RTN4: variants seen among roughly 807,000 people sequenced by gnomAD.
RTN4 encodes reticulon 4.
RTN4 carries 32 observed loss-of-function variants against 90.4 expected under a neutral mutation model. The ratio of observed to expected loss-of-function variants is 0.35; its 90% CI spans 0.27 to 0.48. The LOEUF (loss-of-function observed/expected upper bound fraction) is 0.48, where lower values mean the gene tolerates loss of function less well. Ranked by LOEUF, RTN4 falls within the 20% of genes least tolerant of loss-of-function variation. The pLI, the probability that RTN4 is intolerant of heterozygous loss-of-function variation, is 0.99. For missense variants in RTN4, 1,706 were observed against 1,430.2 expected (o/e 1.19, Z -3.11); for synonymous variants, 629 against 552.5 (o/e 1.14, Z -1.94).
At chr2:55,035,009 C>A (rs149399296) in intron 1 of RTN4, among the ~76,000 whole-genome samples, 1 of 152,230 alleles carries the variant, frequency 6.6e-6, no homozygotes, top group Non-Finnish European at 1.5e-5. Flanking sequence ...AAAACCCCAA[C>A]AGAGGAGATA....
the RTN4 span, among the ~76,000 whole-genome samples, chr2:55,136,245 T>G: frequency 6.6e-6 from 1 of 152,154 alleles, no homozygotes. Flanking sequence ...AACACTCAAC[T>G]GATAAGGGAA....
chr2:55,081,213 A>G (rs1008414518), intron 1 of RTN4, among the ~76,000 whole-genome samples: 3 of 152,118 alleles, frequency 2.0e-5, no homozygotes, highest in Admixed American at 2.0e-4. Context: ...AGCTGGGACC[A>G]CAGGTGCTCG....
chr2:55,072,314 C>G (rs905527164), intron 2 of RTN4, among the ~76,000 whole-genome samples: 1 of 152,080 alleles, frequency 6.6e-6, no homozygotes, highest in Non-Finnish European at 1.5e-5. Context: ...ACTGCAAGCT[C>G]CACCTCCCGT....
At chr2:55,015,286 C>G (rs1256683310) in intron 3 of RTN4, among the ~76,000 whole-genome samples, 1 of 152,070 alleles carries the variant, frequency 6.6e-6, no homozygotes, top group African/African-American at 2.4e-5. Context: ...GAAAACAACT[C>G]TAACACCAAA....
intron 1 of RTN4, among the ~76,000 whole-genome samples, chr2:55,033,050 T>TAA (rs141554598): frequency 2.9e-3 from 361 of 125,768 alleles, no homozygotes; most frequent in East Asian, 0.011. Flanking sequence ...CTGAAGAAGT[T>TAA]AAAAAAAAAA....
At chr2:55,092,090 T>C (rs2105045302) in intron 1 of RTN4, among the ~76,000 whole-genome samples, 1 of 151,878 alleles carries the variant, frequency 6.6e-6, no homozygotes, top group Non-Finnish European at 1.5e-5. Context: ...CCTGGGAGGT[T>C]GAGGTGGGAA....
At chr2:55,005,284 C>T (rs1003670941) in intron 3 of RTN4, among the ~76,000 whole-genome samples, 2 of 152,034 alleles carry the variant, frequency 1.3e-5, no homozygotes, top group African/African-American at 4.8e-5. Flanking sequence ...CAGTTAGGGG[C>T]CCTGGTAAGG....
chr2:55,091,772 T>A (rs911035291), intron 1 of RTN4, among the ~76,000 whole-genome samples: 16 of 152,176 alleles, frequency 1.1e-4, no homozygotes, highest in Non-Finnish European at 1.5e-5. Context: ...GACTTACAGT[T>A]CCACATGGCT....
At position 54,989,717 on chromosome 2, in the gene RTN4, T is replaced by C. The variant is rs1288664460; in HGVS notation, c.3014-2019A>G. 9.2e-5 allele frequency among the ~76,000 whole-genome samples: 14 copies of C among 152,216 alleles called. No individual in the cohort carries two copies. In the East Asian group the frequency reaches 1.2e-3, roughly 13 times the overall value. On this transcript the variant is annotated intron_variant, in intron 3 of 8. Transcript: ENST00000337526. The stretch of plus-strand genomic sequence containing the variant: ...AGTCAATGAAGGTATAAAATAAACA[T>C]TGCACTGCTATAAGAACTCAGAAAA...
At chr2:55,081,341 T>C (rs892614541) in intron 1 of RTN4, among the ~76,000 whole-genome samples, 5 of 152,162 alleles carry the variant, frequency 3.3e-5, no homozygotes, top group African/African-American at 1.2e-4. Context: ...ACTCCCTAAG[T>C]GCTGGGATTA....
Position 55,039,052 on chromosome 2 carries a change from A to G in RTN4, c.556+10693T>C, listed in dbSNP as rs142169759. ...GCTTTAAAATACGTAAAACTAATCT[A>G]TGATGAAAGAAATCAAAACAGTAGT... is the stretch of plus-strand genomic sequence containing the variant. On this transcript the variant is annotated intron_variant, in intron 1 of 8. Transcript: ENST00000337526. 7.2e-5 allele frequency among the ~76,000 whole-genome samples: 11 copies of G among 152,336 alleles called. No homozygotes were observed. The East Asian group carries it at 1.2e-3, about 16-fold the overall frequency.
chr2:55,135,200 T>G, the RTN4 span, among the ~76,000 whole-genome samples: 1 of 109,622 alleles, frequency 9.1e-6, no homozygotes, highest in Admixed American at 1.5e-4. Context: ...TATATGTTTG[T>G]TTTTTTGGTT....
chr2:55,015,963 A>G (rs1451046991), intron 3 of RTN4, among the ~76,000 whole-genome samples: 1 of 152,210 alleles, frequency 6.6e-6, no homozygotes, highest in African/African-American at 2.4e-5. Context: ...AACCCTTATA[A>G]ATGCTCATAC....
intron 3 of RTN4, chr2:55,009,949 G>C: frequency 2.3e-6 from 2 of 879,734 alleles, no homozygotes; most frequent in Non-Finnish European, 3.4e-6. Flanking sequence ...ACGTGAGATA[G>C]CCGTTTTAAT....
rs191854385 is a variant in RTN4, at chr2:55,081,887, G to T, written c.-213-1248C>A. ...CAAAAAAAAAAAAAAAAAAATGAGTGAGAGAGAGATCTATCCCCTGCCTTT... is the reference window on the plus strand; with the variant it reads ...CAAAAAAAAAAAAAAAAAAATGAGTTAGAGAGAGATCTATCCCCTGCCTTT... On this transcript the variant is annotated intron_variant, in intron 1 of 3. Transcript: ENST00000427710. Among the ~76,000 whole-genome samples, 352 of 144,844 alleles carry T rather than the reference G, an allele frequency of 2.4e-3. 1 individual carries two copies. The highest frequency in any genetic ancestry group is 4.1e-3 in the Non-Finnish European group (272 of 65,702).
chr2:55,054,338 A>G (rs1294671302), upstream of RTN4, among the ~76,000 whole-genome samples: 1 of 152,142 alleles, frequency 6.6e-6, no homozygotes, highest in Non-Finnish European at 1.5e-5. Flanking sequence ...ACTTTTTAAT[A>G]AGAGAAATAT....
chr2:55,031,033 T>A (rs1321070703), intron 1 of RTN4, among the ~76,000 whole-genome samples: 1 of 152,168 alleles, frequency 6.6e-6, no homozygotes, highest in Non-Finnish European at 1.5e-5. Context: ...GTAAGGTAGG[T>A]ACTACTGTTA....
chr2:55,104,974 T>C (rs1021537388), intron 1 of RTN4, among the ~76,000 whole-genome samples: 7 of 151,758 alleles, frequency 4.6e-5, no homozygotes, highest in African/African-American at 1.7e-4. Flanking sequence ...GCCAGGCTAA[T>C]TTTTATATTT....
the RTN4 span, among the ~76,000 whole-genome samples, chr2:55,133,736 C>T: frequency 2.0e-5 from 3 of 152,270 alleles, no homozygotes; most frequent in African/African-American, 7.2e-5. Flanking sequence ...TGCCAGATAA[C>T]CCCTAAGGAG....
Sources: gnomAD v4.1 joint callset for allele counts (sites outside exome capture counted in the v4.1 genomes callset) on GRCh38, gnomAD v4.1.1 for gene constraint, MANE v1.5 for transcripts, NCBI Gene and HGNC (gene_info 2026-07-23, HGNC 2026-07-21) for gene names.